The following DNAH14 variants were observed in gnomAD, a reference collection of about 807,000 sequenced individuals.
DNAH14 encodes the protein dynein axonemal heavy chain 14, also known as axonemal beta dynein heavy chain 14.
In DNAH14, 478 loss-of-function variants were observed where a neutral mutation model predicts 520.9. That is an observed-to-expected ratio of 0.92 (90% CI 0.85 to 0.99). The LOEUF is 0.99. Ranked by LOEUF, DNAH14 falls within the 50% of genes least tolerant of loss-of-function variation. The pLI is 0.00. For synonymous variants in DNAH14, 1,581 were observed against 1,757.2 expected, an observed-to-expected ratio of 0.90 and a Z score of 2.51; for missense variants, 4,831 against 5,234.5, an observed-to-expected ratio of 0.92 and a Z score of 2.38.
At chr1:225,075,545 T>A (rs907086618) in intron 17 of DNAH14, among the ~76,000 whole-genome samples, 2 of 152,234 alleles carry the variant, frequency 1.3e-5, no homozygotes, top group Admixed American at 6.5e-5. Flanking sequence ...TGTAATCTTA[T>A]GAAGTTTGCT....
intron 9 of DNAH14, 81 bp from the exon 10 acceptor site, chr1:225,007,332 C>T (rs1023606702): frequency 1.7e-6 from 2 of 1,208,162 alleles, no homozygotes; most frequent in African/African-American, 3.2e-5. Flanking sequence ...TTCTTTATGA[C>T]CTGAAAAGAC....
At chr1:225,251,447 T>C (rs544850621) in intron 43 of DNAH14, among the ~76,000 whole-genome samples, 1 of 152,308 alleles carries the variant, frequency 6.6e-6, no homozygotes, top group South Asian at 2.1e-4. Context: ...GTGCAGGGAT[T>C]ACAGGCATAA....
At chr1:225,090,614 G>C (rs193058839) in intron 21 of DNAH14, among the ~76,000 whole-genome samples, 1 of 151,998 alleles carries the variant, frequency 6.6e-6, no homozygotes, top group Non-Finnish European at 1.5e-5. Context: ...AGATAATTCA[G>C]AGAAAAAACA....
In DNAH14 at chr1:225,228,595, A is replaced by AC. The variant is rs1477744776; in HGVS notation, c.6440-2472dup. 1.6e-4 allele frequency among the ~76,000 whole-genome samples: 23 copies of AC among 141,060 alleles called. No individual in the cohort carries two copies. The East Asian group carries it at 2.2e-3, about 14-fold the overall frequency. 92.5% of individuals were successfully genotyped at this position (141,060 alleles called of 152,430 possible). A position where few individuals can be genotyped will look rare whatever the true frequency, so the allele number is the denominator to read the frequency against. On this transcript the variant is annotated intron_variant, in intron 41 of 85. Coordinates refer to ENST00000682510, the MANE Select transcript of DNAH14 (RefSeq NM_001367479.1). ...GTGCAAGGACATCTCTCCTGGATAG[A>AC]CCCCCCACTCCTGGGGGGGGTCACT...
At chr1:225,042,362 T>A (rs1217618429) in intron 12 of DNAH14, among the ~76,000 whole-genome samples, 2 of 152,224 alleles carry the variant, frequency 1.3e-5, no homozygotes, top group Non-Finnish European at 2.9e-5. Flanking sequence ...TCACTGGAGA[T>A]GTCCATGTTA....
At chr1:225,341,721 T>G (rs1490304875) in intron 69 of DNAH14, among the ~76,000 whole-genome samples, 2 of 152,240 alleles carry the variant, frequency 1.3e-5, no homozygotes, top group African/African-American at 4.8e-5. Flanking sequence ...TATTTTCTTC[T>G]TCAGCACAAA....
chr1:225,206,298 A>G (rs2149424364), intron 40 of DNAH14, 119 bp downstream of exon 40: 1 of 900,444 alleles, frequency 1.1e-6, no homozygotes, highest in East Asian at 2.7e-5. Context: ...AGCAGCATGA[A>G]CTCAATAGTT....
chr1:225,174,547 C>G lies in DNAH14; in HGVS notation c.5535+6519C>G, dbSNP rs550392865. ...TTGTATTCTGCAACCTTATTAAATT[C>G]ATTTATTAGTTTTAAAAGCTTTTTG... is the stretch of plus-strand genomic sequence containing the variant. On this transcript the variant is annotated intron_variant, in intron 36 of 85. Coordinates refer to ENST00000682510, the MANE Select transcript of DNAH14 (RefSeq NM_001367479.1). Among the ~76,000 whole-genome samples, 4 of 152,204 alleles carry G rather than the reference C, an allele frequency of 2.6e-5. No individual in the cohort carries two copies. The East Asian group carries it at 7.7e-4, about 29-fold the overall frequency.
intron 4 of DNAH14, among the ~76,000 whole-genome samples, chr1:224,963,102 A>G (rs538629796): frequency 6.6e-6 from 1 of 151,930 alleles, no homozygotes; most frequent in South Asian, 2.1e-4. Flanking sequence ...TTTTCCTGTA[A>G]ATTTTTTGTT....
Position 224,975,078 on chromosome 1 carries a change from G to A in DNAH14, c.830+925G>A, listed in dbSNP as rs375908278. The stretch of plus-strand genomic sequence containing the variant: ...GCCTTGCATCCCAGGGATGAAGCCC[G>A]CTTGATCATGGTGGATAAGCTTTTT... On this transcript the variant is annotated intron_variant, in intron 8 of 85. Transcript: ENST00000682510. Among the ~76,000 whole-genome samples the A allele has an allele frequency of 1.9e-3, 290 of 151,648 alleles. 4 individuals carry two copies. In the South Asian group the frequency reaches 0.039, roughly 20 times the overall value.
chr1:225,004,368 G>A (rs2064001445), intron 9 of DNAH14, among the ~76,000 whole-genome samples: 2 of 152,176 alleles, frequency 1.3e-5, no homozygotes, highest in East Asian at 3.9e-4. Context: ...GAAATCCAGA[G>A]GAGGCAGAGA....
At chr1:225,253,647 G>A (rs887557398) in intron 44 of DNAH14, among the ~76,000 whole-genome samples, 64 of 151,782 alleles carry the variant, frequency 4.2e-4, no homozygotes, top group Non-Finnish European at 8.8e-5. Context: ...GTGTTTTGAA[G>A]GTCACCCAAC....
At chr1:224,931,524 T>G (rs2058698727) in intron 1 of DNAH14, among the ~76,000 whole-genome samples, 1 of 152,140 alleles carries the variant, frequency 6.6e-6, no homozygotes, top group Admixed American at 6.5e-5. Flanking sequence ...ATTTATTCCT[T>G]ATATCTTACT....
At chr1:225,390,768 A>C in intron 83 of DNAH14, among the ~76,000 whole-genome samples, 1 of 152,236 alleles carries the variant, frequency 6.6e-6, no homozygotes, top group African/African-American at 2.4e-5. Flanking sequence ...ATATAAATTA[A>C]GTCATTTAAG....
rs2093457133 is a variant in DNAH14 at position 225,275,942 on chromosome 1, A to G, written c.8039A>G (p.Asn2680Ser). 1 of 360,004 alleles carries G rather than the reference A, an allele frequency of 2.8e-6. No homozygotes were observed. The highest frequency in any genetic ancestry group is 5.6e-6 in the Non-Finnish European group (1 of 180,176). 22.3% of individuals were successfully genotyped at this position (360,004 alleles called of 1,614,324 possible). ...CAGTGGACCCAAGAAAACCTGATGAATCACTCAACTGTATTTTTGGACTTC... is the reference window on the plus strand; with the variant it reads ...CAGTGGACCCAAGAAAACCTGATGAGTCACTCAACTGTATTTTTGGACTTC... ...QIQWTQENLM[N>S]HSTVFLDFLD... Residue 2680 changes from asparagine to serine, a missense_variant, in exon 53 of 86, where the codon AAT (asparagine) becomes AGT (serine). Coordinates refer to ENST00000682510, the MANE Select transcript of DNAH14 (RefSeq NM_001367479.1).
At chr1:225,062,084 A>T (rs1338499585) in intron 17 of DNAH14, among the ~76,000 whole-genome samples, 1 of 151,704 alleles carries the variant, frequency 6.6e-6, no homozygotes, top group Non-Finnish European at 1.5e-5. Context: ...GGAATGCTTG[A>T]GCTGAAGAGT....
At chr1:225,169,391 C>T (rs957902424) in intron 36 of DNAH14, among the ~76,000 whole-genome samples, 2 of 152,022 alleles carry the variant, frequency 1.3e-5, no homozygotes, top group Admixed American at 1.3e-4. Context: ...GAAGTTAAAA[C>T]CCTTGAAAAA....
At chr1:224,956,495 G>A (rs899257713) in intron 3 of DNAH14, among the ~76,000 whole-genome samples, 2 of 152,134 alleles carry the variant, frequency 1.3e-5, no homozygotes, top group Middle Eastern at 3.4e-3. Context: ...TTGTAGCCTC[G>A]GAGTAATAGT....
chr1:224,990,545 G>T (rs972523285), intron 8 of DNAH14, among the ~76,000 whole-genome samples: 2 of 152,152 alleles, frequency 1.3e-5, no homozygotes, highest in Non-Finnish European at 2.9e-5. Context: ...TTTTGCTTAT[G>T]AGAACATGTG....
Sources: allele counts gnomAD v4.1 joint callset (sites outside exome capture counted in the v4.1 genomes callset), GRCh38; gene constraint gnomAD v4.1.1; transcripts MANE v1.5; gene names NCBI Gene and HGNC (gene_info 2026-07-23, HGNC 2026-07-21).